Variants in MAGI2 observed in about 807,000 individuals in gnomAD.
MAGI2 encodes membrane-associated guanylate kinase, WW and PDZ domain-containing protein 2.
MAGI2 carries 35 observed loss-of-function variants against 133.3 expected under a neutral mutation model. That is an observed-to-expected ratio of 0.26 (90% CI 0.20 to 0.35). The LOEUF (loss-of-function observed/expected upper bound fraction) is 0.35. Ranked by LOEUF, MAGI2 falls within the 10% of genes least tolerant of loss-of-function variation. MAGI2 has a pLI of 1.00. For synonymous variants in MAGI2, 729 were observed against 710.6 expected (o/e 1.03, Z -0.41); for missense variants, 1,636 against 1,863.4 (o/e 0.88, Z 2.25).
intron 1 of MAGI2, among the ~76,000 whole-genome samples, chr7:79,265,929 TG>T (rs1834426540): frequency 6.6e-6 from 1 of 152,222 alleles, no homozygotes; most frequent in Admixed American, 6.5e-5. Flanking sequence ...TGTGCTGTTT[TG>T]TAAGCTGAAA....
In MAGI2 at chr7:78,446,105, A is replaced by C. The variant is rs187017067; in HGVS notation, c.1045+43656T>G. On this transcript the variant is annotated intron_variant, in intron 6 of 21. Coordinates refer to ENST00000354212, the MANE Select transcript of MAGI2 (RefSeq NM_012301.4). ...GTACTTTTTAAAGATTTTTTTTTAA[A>C]GAAATTATGTTTCTCTGAATTTTTT... 1.2e-4 allele frequency among the ~76,000 whole-genome samples: 18 copies of C among 151,152 alleles called. No individual in the cohort carries two copies. In the East Asian group the frequency reaches 3.5e-3, roughly 30 times the overall value.
At position 79,133,929 on chromosome 7, in the gene MAGI2, C is replaced by T. The variant is rs181595285; in HGVS notation, c.302-126723G>A. 5.1e-4 allele frequency among the ~76,000 whole-genome samples: 78 copies of T among 152,294 alleles called. 1 individual carries two copies. The highest frequency in any genetic ancestry group is 1.3e-3 in the Admixed American group (20 of 15,292). On this transcript the variant is annotated intron_variant, in intron 1 of 21. Transcript: ENST00000354212. ...AAAGTGTCTATCACTTTTCAAAATA[C>T]GTTGGAAACCTTTGTCTTTATAGAG...
At chr7:79,332,025 A>G (rs1340082257) in intron 1 of MAGI2, among the ~76,000 whole-genome samples, 2 of 152,122 alleles carry the variant, frequency 1.3e-5, no homozygotes, top group Non-Finnish European at 2.9e-5. Flanking sequence ...ATTTTTGAGC[A>G]CTTTATATGT....
chr7:79,308,670 G>T (rs1229320071), intron 1 of MAGI2, among the ~76,000 whole-genome samples: 1 of 152,122 alleles, frequency 6.6e-6, no homozygotes, highest in African/African-American at 2.4e-5. Flanking sequence ...ATACCAAGAA[G>T]AACATGCCTT....
chr7:78,218,792 T>A (rs773442651), intron 10 of MAGI2, among the ~76,000 whole-genome samples: 1 of 152,188 alleles, frequency 6.6e-6, no homozygotes, highest in Non-Finnish European at 1.5e-5. Flanking sequence ...CATTCTCAGC[T>A]TGGATTCTTC....
chr7:79,399,022 C>T (rs1228922464), intron 1 of MAGI2, among the ~76,000 whole-genome samples: 1 of 151,526 alleles, frequency 6.6e-6, no homozygotes, highest in East Asian at 1.9e-4. Flanking sequence ...CTGCTGTTTT[C>T]CTACCACCTT....
At chr7:78,454,532 G>A (rs1046163824) in intron 6 of MAGI2, among the ~76,000 whole-genome samples, 4 of 152,064 alleles carry the variant, frequency 2.6e-5, no homozygotes, top group Non-Finnish European at 4.4e-5. Context: ...CCCTAAACAC[G>A]GTCTTATCAT....
chr7:78,458,877 G>T (rs765435878), intron 6 of MAGI2, among the ~76,000 whole-genome samples: 1 of 152,066 alleles, frequency 6.6e-6, no homozygotes, highest in Non-Finnish European at 1.5e-5. Flanking sequence ...CTCGTGATCC[G>T]CCCGCCTTGG....
intron 2 of MAGI2, among the ~76,000 whole-genome samples, chr7:78,656,394 G>C (rs1812278695): frequency 6.6e-6 from 1 of 152,130 alleles, no homozygotes. Context: ...CAACAACATG[G>C]ATGGACCTGG....
chr7:78,462,599 C>T (rs1377595313), intron 6 of MAGI2, among the ~76,000 whole-genome samples: 1 of 152,174 alleles, frequency 6.6e-6, no homozygotes, highest in Non-Finnish European at 1.5e-5. Flanking sequence ...ATTTCACTGG[C>T]TGATTTAGTG....
chr7:79,026,779 A>G (rs1044231305), intron 1 of MAGI2, among the ~76,000 whole-genome samples: 5 of 152,078 alleles, frequency 3.3e-5, no homozygotes, highest in African/African-American at 1.2e-4. Flanking sequence ...GGGCTGAGGC[A>G]TGAAAATCGC....
chr7:78,584,404 A>G (rs1803170709), intron 3 of MAGI2, among the ~76,000 whole-genome samples: 1 of 134,662 alleles, frequency 7.4e-6, no homozygotes, highest in African/African-American at 2.8e-5. Flanking sequence ...TGGGTGACAG[A>G]GTGAGACTCC....
At chr7:79,374,134 G>A (rs996831587) in intron 1 of MAGI2, among the ~76,000 whole-genome samples, 1 of 151,888 alleles carries the variant, frequency 6.6e-6, no homozygotes, top group Non-Finnish European at 1.5e-5. Context: ...AAATACATTG[G>A]GAAATATGTA....
intron 9 of MAGI2, among the ~76,000 whole-genome samples, chr7:78,333,527 T>C (rs886698974): frequency 2.0e-5 from 3 of 152,232 alleles, no homozygotes; most frequent in African/African-American, 2.4e-5. Flanking sequence ...CATTTGGTTT[T>C]AGGAATTGAC....
rs142020891 is a variant in MAGI2, at chr7:79,342,353, A to C, written c.301+110667T>G. On this transcript the variant is annotated intron_variant, in intron 1 of 21. Transcript: ENST00000354212. ...CTCAGTACTGTTAGAGCCTCAGTAA[A>C]AGAAATGTCCATTGAACAAAGTGCA... Among the ~76,000 whole-genome samples the C allele has an allele frequency of 9.0e-4, 137 of 152,322 alleles. 2 individuals carry two copies. Among genetic ancestry groups the C allele is most frequent in the South Asian group, 3.7e-3 (18 of 4,832 alleles).
intron 20 of MAGI2, among the ~76,000 whole-genome samples, chr7:78,124,604 A>G (rs1820783245): frequency 6.6e-6 from 1 of 152,142 alleles, no homozygotes; most frequent in Non-Finnish European, 1.5e-5. Flanking sequence ...CGGAACCCCA[A>G]AGCCACAGCT....
chr7:78,606,414 C>T (rs1024322424), intron 3 of MAGI2, among the ~76,000 whole-genome samples: 3 of 150,738 alleles, frequency 2.0e-5, no homozygotes, highest in Non-Finnish European at 3.0e-5. Context: ...CTTTGTGAAG[C>T]CAAGCAGAGC....
At chr7:78,723,953 G>A (rs1269040324) in intron 2 of MAGI2, among the ~76,000 whole-genome samples, 5 of 152,066 alleles carry the variant, frequency 3.3e-5, no homozygotes, top group African/African-American at 1.2e-4. Flanking sequence ...ATTGCCTGGA[G>A]AAAGAGGAAA....
intron 1 of MAGI2, among the ~76,000 whole-genome samples, chr7:79,066,234 C>T (rs1814310367): frequency 6.6e-6 from 1 of 151,148 alleles, no homozygotes; most frequent in South Asian, 2.1e-4. Flanking sequence ...TGTTTCCTGA[C>T]TTTATAATGG....
Sources: gnomAD v4.1 joint callset for allele counts (sites outside exome capture counted in the v4.1 genomes callset) on GRCh38, gnomAD v4.1.1 for gene constraint, MANE v1.5 for transcripts, NCBI Gene and HGNC (gene_info 2026-07-23, HGNC 2026-07-21) for gene names.